Variants in UBE2D2 observed in about 807,000 individuals in gnomAD.
The protein encoded by UBE2D2 is ubiquitin-conjugating enzyme E2 D2.
A neutral mutation model predicts 24.2 loss-of-function variants in UBE2D2; 2 were observed. The observed-to-expected ratio is 0.08, with a 90% confidence interval of 0.03 to 0.26. The LOEUF (loss-of-function observed/expected upper bound fraction) is 0.26. UBE2D2 is among the 10% of genes least tolerant of loss of function. The pLI, the probability that UBE2D2 is intolerant of heterozygous loss-of-function variation, is 1.00. For synonymous variants in UBE2D2, 58 were observed against 56.5 expected, an observed-to-expected ratio of 1.03 and a Z score of -0.12; for missense variants, 44 against 177.6, an observed-to-expected ratio of 0.25 and a Z score of 4.28.
rs556130463 is a variant in UBE2D2 at position 139,540,014 on chromosome 5, G to A, written c.-64+13402G>A. Among the ~76,000 whole-genome samples the A allele has an allele frequency of 9.9e-5, 15 of 151,990 alleles. No homozygotes were observed. The East Asian group carries it at 2.7e-3, about 27-fold the overall frequency. ...GGCTCACTGCAACCTCCGCCTCCTG[G>A]GTTCAAGCGATTCTCCTGCCTCAGC... On this transcript the variant is annotated intron_variant, in intron 1 of 6. Coordinates refer to the UBE2D2 transcript ENST00000511725.
At chr5:139,568,662 A>C (rs1280063291) in intron 1 of UBE2D2, among the ~76,000 whole-genome samples, 1 of 151,758 alleles carries the variant, frequency 6.6e-6, no homozygotes, top group Non-Finnish European at 1.5e-5. Flanking sequence ...GTCTAGAAAA[A>C]GAAAAAAATG....
upstream of UBE2D2, among the ~76,000 whole-genome samples, chr5:139,560,855 C>G (rs1753061092): frequency 6.6e-6 from 1 of 152,162 alleles, no homozygotes. Context: ...TATGAGACAT[C>G]TCCCTCGTGG....
chr5:139,602,281 A>T (rs551598881), intron 2 of UBE2D2, among the ~76,000 whole-genome samples: 1 of 152,142 alleles, frequency 6.6e-6, no homozygotes, highest in African/African-American at 2.4e-5. Flanking sequence ...TGAATTCCTG[A>T]CCTTAGGTGA....
chr5:139,585,732 CTCAT>C lies in UBE2D2; in HGVS notation c.25-14636_25-14633del, dbSNP rs1325884956. On this transcript the variant is annotated intron_variant, in intron 1 of 6. Coordinates refer to ENST00000398733, the MANE Select transcript of UBE2D2 (RefSeq NM_003339.3). ...GTGAAGAATATGATATACCTTGTCT[CTCAT>C]TCAAGGAGTCATAATTAAACATTAA... 2.6e-5 allele frequency among the ~76,000 whole-genome samples: 4 copies of C among 151,878 alleles called. No individual in the cohort carries two copies. In the East Asian group the frequency reaches 7.7e-4, roughly 29 times the overall value.
At chr5:139,543,508 G>C (rs1010471093) in intron 1 of UBE2D2, among the ~76,000 whole-genome samples, 1 of 152,196 alleles carries the variant, frequency 6.6e-6, no homozygotes, top group Non-Finnish European at 1.5e-5. Context: ...GCGCTGTTCT[G>C]GTTGGTCCTG....
intron 2 of UBE2D2, among the ~76,000 whole-genome samples, chr5:139,612,902 G>A (rs1353974790): frequency 6.6e-6 from 1 of 152,130 alleles, no homozygotes; most frequent in East Asian, 1.9e-4. Flanking sequence ...AGCCTCCTGA[G>A]TAGGTGGGAC....
At chr5:139,625,097 G>C (rs1754587360) in intron 6 of UBE2D2, among the ~76,000 whole-genome samples, 1 of 145,006 alleles carries the variant, frequency 6.9e-6, no homozygotes, top group African/African-American at 2.6e-5. Context: ...TTGTTCTTCA[G>C]CCCAGACTGG....
At chr5:139,556,126 C>T (rs552496239) in intron 1 of UBE2D2, among the ~76,000 whole-genome samples, 1 of 151,626 alleles carries the variant, frequency 6.6e-6, no homozygotes. Context: ...ATCCCAGCTA[C>T]TCGGGAGGCT....
At chr5:139,539,562 C>T (rs1752729118) in intron 1 of UBE2D2, among the ~76,000 whole-genome samples, 1 of 152,000 alleles carries the variant, frequency 6.6e-6, no homozygotes, top group Admixed American at 6.6e-5. Context: ...TGGTATAAAA[C>T]TATATACACA....
intron 1 of UBE2D2, among the ~76,000 whole-genome samples, chr5:139,529,652 T>C (rs1051163660): frequency 2.0e-5 from 3 of 151,754 alleles, no homozygotes; most frequent in African/African-American, 4.8e-5. Context: ...TAAAAAAAAA[T>C]GTAACATTAG....
intron 1 of UBE2D2, among the ~76,000 whole-genome samples, chr5:139,565,897 A>G (rs1479741486): frequency 6.6e-6 from 1 of 152,204 alleles, no homozygotes; most frequent in Non-Finnish European, 1.5e-5. Context: ...AGCTTTTCTT[A>G]ACAGTAATAG....
At chr5:139,609,019 G>A (rs559530290) in intron 2 of UBE2D2, among the ~76,000 whole-genome samples, 111 of 152,006 alleles carry the variant, frequency 7.3e-4, no homozygotes, top group Admixed American at 2.8e-3. Flanking sequence ...CCTGGGAGGC[G>A]GAGGTTGCAG....
intron 2 of UBE2D2, among the ~76,000 whole-genome samples, chr5:139,602,868 G>A (rs1754111535): frequency 6.6e-6 from 1 of 152,110 alleles, no homozygotes; most frequent in African/African-American, 2.4e-5. Context: ...CTTACCTAGC[G>A]TGAGTAACTA....
intron 1 of UBE2D2, among the ~76,000 whole-genome samples, chr5:139,567,213 C>T (rs543196701): frequency 3.9e-5 from 6 of 152,042 alleles, no homozygotes; most frequent in East Asian, 1.9e-4. Flanking sequence ...AATTCTCCTG[C>T]GTCAGCCTCC....
At chr5:139,588,934 C>T (rs1753787154) in intron 1 of UBE2D2, among the ~76,000 whole-genome samples, 1 of 152,110 alleles carries the variant, frequency 6.6e-6, no homozygotes, top group Non-Finnish European at 1.5e-5. Context: ...GCTGGGACTA[C>T]AGGTGCACAC....
chr5:139,614,228 T>TTTTTTG (rs1046331218), intron 2 of UBE2D2, among the ~76,000 whole-genome samples: 6 of 152,126 alleles, frequency 3.9e-5, no homozygotes, highest in South Asian at 2.1e-4. Flanking sequence ...ACTTTCGGTT[T>TTTTTTG]TTTTTGTTTT....
chr5:139,534,079 C>CA (rs909005714), intron 1 of UBE2D2, among the ~76,000 whole-genome samples: 105 of 149,798 alleles, frequency 7.0e-4, no homozygotes, highest in South Asian at 2.1e-4. Flanking sequence ...CCGCGCCTGG[C>CA]AAAAAAAACA....
At chr5:139,575,406 T>A (rs1330540538) in intron 1 of UBE2D2, among the ~76,000 whole-genome samples, 1 of 152,130 alleles carries the variant, frequency 6.6e-6, no homozygotes, top group Non-Finnish European at 1.5e-5. Context: ...TAAATATATG[T>A]TTCACTTTTA....
chr5:139,550,942 A>G (rs1752912509), intron 1 of UBE2D2, among the ~76,000 whole-genome samples: 2 of 152,140 alleles, frequency 1.3e-5, no homozygotes, highest in Admixed American at 6.6e-5. Flanking sequence ...CCAAGAACCC[A>G]CCAATTCCAG....
Sources: gnomAD v4.1 joint callset for allele counts (sites outside exome capture counted in the v4.1 genomes callset) on GRCh38, gnomAD v4.1.1 for gene constraint, MANE v1.5 for transcripts, NCBI Gene and HGNC (gene_info 2026-07-23, HGNC 2026-07-21) for gene names.